Variants in CNTNAP2 observed in about 807,000 individuals in gnomAD.
CNTNAP2 encodes contactin associated protein 2.
A neutral mutation model predicts 155.2 loss-of-function variants in CNTNAP2; 98 were observed. That is an observed-to-expected ratio of 0.63 (90% CI 0.54 to 0.75). CNTNAP2 has a LOEUF of 0.75. Among genes scored for constraint, CNTNAP2 ranks in the 30% least tolerant of loss-of-function variants. The pLI is 0.00. For missense variants in CNTNAP2, 1,727 were observed against 1,688.1 expected, an observed-to-expected ratio of 1.02 and a Z score of -0.40; for synonymous variants, 651 against 631.2, an observed-to-expected ratio of 1.03 and a Z score of -0.47.
intron 11 of CNTNAP2, among the ~76,000 whole-genome samples, chr7:147,499,184 A>T (rs1798765437): frequency 6.6e-6 from 1 of 152,178 alleles, no homozygotes; most frequent in Non-Finnish European, 1.5e-5. Flanking sequence ...GACTTAAAAA[A>T]TTAAGAATAA....
intron 1 of CNTNAP2, among the ~76,000 whole-genome samples, chr7:146,232,072 A>C (rs937655375): frequency 6.6e-6 from 1 of 151,280 alleles, no homozygotes; most frequent in Non-Finnish European, 1.5e-5. Context: ...ACTATCTCTC[A>C]AAAGGCTTCC....
At chr7:146,463,475 A>C (rs751318086) in intron 1 of CNTNAP2, among the ~76,000 whole-genome samples, 1 of 152,088 alleles carries the variant, frequency 6.6e-6, no homozygotes, top group Non-Finnish European at 1.5e-5. Flanking sequence ...CAACCTGTTA[A>C]CCACGTGTCA....
At chr7:146,442,942 G>C (rs780847978) in intron 1 of CNTNAP2, among the ~76,000 whole-genome samples, 1 of 152,018 alleles carries the variant, frequency 6.6e-6, no homozygotes, top group Non-Finnish European at 1.5e-5. Flanking sequence ...CGCGGTGGCT[G>C]ACGCCTGCAA....
chr7:147,582,253 T>C (rs181665609), intron 12 of CNTNAP2, among the ~76,000 whole-genome samples: 93 of 152,256 alleles, frequency 6.1e-4, no homozygotes, highest in African/African-American at 2.1e-3. Context: ...AGAGATTACA[T>C]TAAGTTGGTT....
At chr7:147,723,702 T>C (rs1796601300) in intron 13 of CNTNAP2, among the ~76,000 whole-genome samples, 1 of 151,986 alleles carries the variant, frequency 6.6e-6, no homozygotes, top group African/African-American at 2.4e-5. Context: ...AGCATTTTGG[T>C]CCAACTCACT....
At chr7:147,905,847 T>C (rs1799947840) in intron 14 of CNTNAP2, among the ~76,000 whole-genome samples, 1 of 151,508 alleles carries the variant, frequency 6.6e-6, no homozygotes, top group Admixed American at 6.6e-5. Context: ...TCCCAGATCG[T>C]GCCACTGCAC....
rs1563109649 is a variant in CNTNAP2, at chr7:146,502,235, A to ATATATATATATATATGAATATATATGTG, written c.98-272021_98-272020insGAATATATATGTGTATATATATATATAT. On this transcript the variant is annotated intron_variant, in intron 1 of 23. Transcript: ENST00000361727. Reference sequence around the variant, plus strand: ...TGTGTATATATATGAATATATATATATATATATATATATATATATATATAT... The same window carrying ATATATATATATATATGAATATATATGTG: ...TGTGTATATATATGAATATATATATATATATATATATATATGAATATATATGTGTATATATATATATATATATATATAT... Among the ~76,000 whole-genome samples the ATATATATATATATATGAATATATATGTG allele has an allele frequency of 8.6e-4, 48 of 56,078 alleles. 2 individuals carry two copies. The highest frequency in any genetic ancestry group is 4.2e-3 in the African/African-American group (48 of 11,328). 36.8% of individuals were successfully genotyped at this position (56,078 alleles called of 152,430 possible).
chr7:147,860,231 C>A (rs191259399), intron 13 of CNTNAP2, among the ~76,000 whole-genome samples: 4 of 152,040 alleles, frequency 2.6e-5, no homozygotes, highest in African/African-American at 9.7e-5. Flanking sequence ...TTGAGACCAG[C>A]CTGAACAACA....
intron 1 of CNTNAP2, among the ~76,000 whole-genome samples, chr7:146,428,548 T>TG: frequency 6.6e-6 from 1 of 152,308 alleles, no homozygotes; most frequent in East Asian, 1.9e-4. Context: ...ATGTCTTCTC[T>TG]GGAGAAGTAT....
intron 13 of CNTNAP2, among the ~76,000 whole-genome samples, chr7:147,851,468 C>T (rs1403851873): frequency 2.0e-5 from 3 of 152,124 alleles, no homozygotes; most frequent in Admixed American, 2.0e-4. Flanking sequence ...AAGACACATG[C>T]ACACGTATGT....
chr7:147,131,730 A>G (rs1428486378), intron 7 of CNTNAP2, among the ~76,000 whole-genome samples: 1 of 152,142 alleles, frequency 6.6e-6, no homozygotes, highest in Non-Finnish European at 1.5e-5. Flanking sequence ...AGGTATATAG[A>G]TAAAAATCCA....
intron 13 of CNTNAP2, among the ~76,000 whole-genome samples, chr7:147,715,141 T>C (rs1057235775): frequency 2.6e-5 from 4 of 152,144 alleles, no homozygotes; most frequent in African/African-American, 9.6e-5. Flanking sequence ...TAAACCTTGG[T>C]TTATCAATTT....
At chr7:148,305,137 C>A (rs1454605660) in intron 21 of CNTNAP2, among the ~76,000 whole-genome samples, 3 of 141,218 alleles carry the variant, frequency 2.1e-5, no homozygotes, top group Non-Finnish European at 4.5e-5. Flanking sequence ...GTGGGAGGAT[C>A]ACTTGAGCCC....
At chr7:148,366,709 G>A (rs1247465791) in intron 21 of CNTNAP2, among the ~76,000 whole-genome samples, 1 of 152,166 alleles carries the variant, frequency 6.6e-6, no homozygotes, top group Non-Finnish European at 1.5e-5. Flanking sequence ...TGATTTCCAG[G>A]AGTAAGAGGC....
intron 9 of CNTNAP2, among the ~76,000 whole-genome samples, chr7:147,341,253 A>T (rs1181594838): frequency 6.6e-6 from 1 of 152,010 alleles, no homozygotes; most frequent in Non-Finnish European, 1.5e-5. Flanking sequence ...ACACATGGAC[A>T]CAGGGAGGAG....
chr7:146,644,179 C>A (rs1449833674), intron 1 of CNTNAP2, among the ~76,000 whole-genome samples: 2 of 151,886 alleles, frequency 1.3e-5, no homozygotes, highest in Non-Finnish European at 2.9e-5. Flanking sequence ...ATTGCCCTGG[C>A]CAGAACACTA....
intron 1 of CNTNAP2, among the ~76,000 whole-genome samples, chr7:146,448,526 T>C (rs1796434540): frequency 1.3e-5 from 2 of 152,106 alleles, no homozygotes; most frequent in East Asian, 3.9e-4. Context: ...TTTTTTATTA[T>C]ACTTTAAGTT....
At position 147,514,631 on chromosome 7, in the gene CNTNAP2, A is replaced by T. The variant is rs187683303; in HGVS notation, c.1777+28590A>T. Among the ~76,000 whole-genome samples, 192 of 151,864 alleles carry T rather than the reference A, an allele frequency of 1.3e-3. 2 individuals are homozygous for T. Among genetic ancestry groups the T allele is most frequent in the African/African-American group, 3.9e-3 (160 of 41,466 alleles). On this transcript the variant is annotated intron_variant, in intron 11 of 23. Transcript: ENST00000361727. ...AAGTGAGATTTGAACTAAAAAAAAA[A>T]AATAATAAGGTGTTTTGCTGTTGGA...
intron 9 of CNTNAP2, among the ~76,000 whole-genome samples, chr7:147,389,345 C>T (rs1469815602): frequency 1.3e-5 from 2 of 152,128 alleles, no homozygotes; most frequent in Non-Finnish European, 2.9e-5. Context: ...TTAAAAAAGG[C>T]AGAGAGAAGC....
Sources: gnomAD v4.1 joint callset for allele counts (sites outside exome capture counted in the v4.1 genomes callset) on GRCh38, gnomAD v4.1.1 for gene constraint, MANE v1.5 for transcripts, NCBI Gene and HGNC (gene_info 2026-07-23, HGNC 2026-07-21) for gene names.